TJP2: variants seen among roughly 807,000 people sequenced by gnomAD.
The protein encoded by TJP2 is tight junction protein 2.
A neutral mutation model predicts 133.1 loss-of-function variants in TJP2; 91 were observed. The ratio of observed to expected loss-of-function variants is 0.68; its 90% confidence interval spans 0.58 to 0.81. TJP2 has a LOEUF of 0.81. TJP2 is among the 40% of genes least tolerant of loss of function. TJP2 has a pLI of 0.00. For missense variants in TJP2, 1,541 were observed against 1,565.6 expected (o/e 0.98, Z 0.26); for synonymous variants, 592 against 583.4 (o/e 1.01, Z -0.21).
At chr9:69,155,472 TTCC>T (rs1412966359) in intron 2 of TJP2, among the ~76,000 whole-genome samples, 2 of 152,218 alleles carry the variant, frequency 1.3e-5, no homozygotes, top group Non-Finnish European at 2.9e-5. Flanking sequence ...AAAACACGGA[TTCC>T]TGGGCCCCAC....
intron 1 of TJP2, among the ~76,000 whole-genome samples, chr9:69,141,279 G>C (rs759109026): frequency 1.3e-5 from 2 of 152,198 alleles, no homozygotes; most frequent in African/African-American, 4.8e-5. Context: ...TCAGTAGCAG[G>C]GGTTAAAAAT....
chr9:69,246,216 G>A (rs116494218), intron 17 of TJP2: 1 of 197,976 alleles, frequency 5.1e-6, no homozygotes, highest in Non-Finnish European at 1.0e-5. Flanking sequence ...GTATCCAAGT[G>A]GGGGGTGTCC....
intron 2 of TJP2, among the ~76,000 whole-genome samples, chr9:69,152,182 A>G (rs1823505714): frequency 6.6e-6 from 1 of 152,236 alleles, no homozygotes; most frequent in South Asian, 2.1e-4. Flanking sequence ...AAGCACTTTG[A>G]TGAAAAGATA....
At chr9:69,163,690 C>G (rs139507008) in intron 2 of TJP2, among the ~76,000 whole-genome samples, 415 of 151,970 alleles carry the variant, frequency 2.7e-3, no homozygotes, top group African/African-American at 9.6e-3. Flanking sequence ...CCAGACTGAA[C>G]TCAAATCCCT....
In TJP2 at chr9:69,145,598, A is replaced by G. The variant is rs192840606; in HGVS notation, c.-130-6053A>G. The G allele has an allele frequency of 2.0e-4, 121 of 607,722 alleles. 2 individuals carry two copies. In the East Asian group the frequency reaches 3.9e-3, roughly 19 times the overall value. The allele number at this position is 607,722 out of a possible 1,614,324, so 37.6% of individuals were successfully genotyped here. ...GTGTTTAATAGATCTAGCTAGGGCTACATAGAGAACATCCAAAGGAACAGC... is the reference window on the plus strand; with the variant it reads ...GTGTTTAATAGATCTAGCTAGGGCTGCATAGAGAACATCCAAAGGAACAGC... On this transcript the variant is annotated intron_variant, in intron 1 of 5. Coordinates refer to the TJP2 transcript ENST00000423935.
intron 2 of TJP2, among the ~76,000 whole-genome samples, chr9:69,157,549 T>C (rs965280885): frequency 6.7e-6 from 1 of 149,996 alleles, no homozygotes; most frequent in African/African-American, 2.5e-5. Context: ...CATTGCAACC[T>C]CCACCTCCCG....
chr9:69,162,982 A>C (rs1206424675), intron 2 of TJP2, among the ~76,000 whole-genome samples: 1 of 152,122 alleles, frequency 6.6e-6, no homozygotes, highest in African/African-American at 2.4e-5. Context: ...AAACGTACAC[A>C]GCATTTTGCA....
At chr9:69,214,884 A>C (rs899042261) in intron 2 of TJP2, among the ~76,000 whole-genome samples, 1 of 151,218 alleles carries the variant, frequency 6.6e-6, no homozygotes, top group Non-Finnish European at 1.5e-5. Flanking sequence ...AAAAAAACAA[A>C]CAAATCCATT....
At chr9:69,195,213 T>C (rs1388435274) in intron 1 of TJP2, among the ~76,000 whole-genome samples, 1 of 152,244 alleles carries the variant, frequency 6.6e-6, no homozygotes, top group Non-Finnish European at 1.5e-5. Flanking sequence ...TTTTTTAAAG[T>C]GAAGCTATGT....
intron 1 of TJP2, chr9:69,204,874 A>C: frequency 8.5e-7 from 1 of 1,180,814 alleles, no homozygotes; most frequent in Non-Finnish European, 1.1e-6. Context: ...GCTTAAAAGA[A>C]ATATCTACTC....
chr9:69,196,534 C>T (rs1826570910), intron 1 of TJP2, among the ~76,000 whole-genome samples: 2 of 152,070 alleles, frequency 1.3e-5, no homozygotes, highest in Non-Finnish European at 2.9e-5. Context: ...AAGTAACTCG[C>T]CCAAGGTAAA....
chr9:69,132,858 G>C (rs1433818631), intron 1 of TJP2, among the ~76,000 whole-genome samples: 2 of 152,146 alleles, frequency 1.3e-5, no homozygotes, highest in African/African-American at 4.8e-5. Flanking sequence ...GACCAACCTG[G>C]GTAGGAATCA....
chr9:69,201,041 C>G (rs764763639), intron 1 of TJP2, among the ~76,000 whole-genome samples: 1 of 152,196 alleles, frequency 6.6e-6, no homozygotes, highest in East Asian at 1.9e-4. Flanking sequence ...ATGAATGAGC[C>G]TCTTGGTGGG....
chr9:69,143,053 A>G (rs1370387756), intron 1 of TJP2, among the ~76,000 whole-genome samples: 1 of 152,220 alleles, frequency 6.6e-6, no homozygotes, highest in Non-Finnish European at 1.5e-5. Context: ...TGACAATTTT[A>G]AAAAATGAAT....
At chr9:69,200,638 C>T (rs1826919850) in intron 1 of TJP2, among the ~76,000 whole-genome samples, 1 of 152,166 alleles carries the variant, frequency 6.6e-6, no homozygotes, top group Admixed American at 6.5e-5. Flanking sequence ...AACTGATGCT[C>T]CCACTTCAGC....
At chr9:69,159,588 G>A (rs1352173403) in intron 2 of TJP2, among the ~76,000 whole-genome samples, 1 of 151,922 alleles carries the variant, frequency 6.6e-6, no homozygotes. Flanking sequence ...AATAAATATG[G>A]TAATAGTTGG....
At chr9:69,149,429 G>T (rs552815860) in intron 1 of TJP2, among the ~76,000 whole-genome samples, 1 of 151,874 alleles carries the variant, frequency 6.6e-6, no homozygotes, top group African/African-American at 2.4e-5. Context: ...TGCTTTGTAG[G>T]ATGTCCAGAT....
chr9:69,142,247 G>A (rs1344059190), intron 1 of TJP2, among the ~76,000 whole-genome samples: 2 of 152,210 alleles, frequency 1.3e-5, no homozygotes, highest in East Asian at 3.8e-4. Flanking sequence ...TCCAGTTGAA[G>A]GTAATAGTTT....
At chr9:69,233,241 T>C (rs189084926) in intron 11 of TJP2, among the ~76,000 whole-genome samples, 1 of 152,348 alleles carries the variant, frequency 6.6e-6, no homozygotes, top group Non-Finnish European at 1.5e-5. Context: ...ATGCCGACTT[T>C]CACTTAATCA....
Sources: allele counts gnomAD v4.1 joint callset (sites outside exome capture counted in the v4.1 genomes callset), GRCh38; gene constraint gnomAD v4.1.1; transcripts MANE v1.5; gene names NCBI Gene and HGNC (gene_info 2026-07-23, HGNC 2026-07-21).